Variants in ACOXL observed in about 807,000 individuals in gnomAD.
ACOXL encodes acyl-coenzyme A oxidase-like protein.
In ACOXL, 70 loss-of-function variants were observed where a neutral mutation model predicts 71.9. The ratio of observed to expected loss-of-function variants is 0.97; its 90% CI spans 0.80 to 1.19. The LOEUF (loss-of-function observed/expected upper bound fraction) is 1.19. Ranked by LOEUF, ACOXL falls within the 50% of genes most tolerant of loss-of-function variation. ACOXL has a pLI of 0.00. For missense variants in ACOXL, 703 were observed against 736.3 expected (o/e 0.95, Z 0.52); for synonymous variants, 253 against 281.6 (o/e 0.90, Z 1.02).
intron 11 of ACOXL, among the ~76,000 whole-genome samples, chr2:110,917,517 C>T (rs1042025647): frequency 6.6e-6 from 1 of 152,238 alleles, no homozygotes; most frequent in Non-Finnish European, 1.5e-5. Flanking sequence ...CCTCTCTCAC[C>T]ACTCCTATTC....
In ACOXL at chr2:110,811,730, TACACACAC is replaced by T. The variant is rs780039810; in HGVS notation, c.753+6384_753+6391del. On this transcript the variant is annotated intron_variant, in intron 9 of 17. Transcript: ENST00000439055. Reference sequence around the variant, plus strand: ...CGTTATCCTTTTTGTTTTTTTTGCATACACACACACACACACACACACACACACACACA... The same window carrying T: ...CGTTATCCTTTTTGTTTTTTTTGCATACACACACACACACACACACACACA... Among the ~76,000 whole-genome samples, 553 of 101,642 alleles carry T rather than the reference TACACACAC, an allele frequency of 5.4e-3. 4 individuals carry two copies. Among genetic ancestry groups the T allele is most frequent in the South Asian group, 0.03 (77 of 2,526 alleles). The allele number at this position is 101,642 out of a possible 152,430, so 66.7% of individuals were successfully genotyped here. A position where few individuals can be genotyped will look rare whatever the true frequency, so the allele number is the denominator to read the frequency against.
intron 12 of ACOXL, among the ~76,000 whole-genome samples, chr2:110,952,590 G>T (rs2061369267): frequency 6.6e-6 from 1 of 152,086 alleles, no homozygotes; most frequent in African/African-American, 2.4e-5. Flanking sequence ...GGTATTACAG[G>T]TGTGTGCTAT....
intron 14 of ACOXL, among the ~76,000 whole-genome samples, chr2:111,011,404 C>T (rs1218855613): frequency 6.6e-6 from 1 of 152,098 alleles, no homozygotes; most frequent in African/African-American, 2.4e-5. Flanking sequence ...TCAATAATTA[C>T]ATTAAATGTA....
chr2:110,895,856 T>C (rs778033241), intron 10 of ACOXL, among the ~76,000 whole-genome samples: 5 of 151,952 alleles, frequency 3.3e-5, no homozygotes, highest in Admixed American at 6.6e-5. Flanking sequence ...GAAGGGAAAC[T>C]AAAAGAATCC....
Position 110,988,914 on chromosome 2 carries a change from A to G in ACOXL, c.1169+1697A>G, listed in dbSNP as rs564328247. 3.2e-4 allele frequency among the ~76,000 whole-genome samples: 46 copies of G among 141,572 alleles called. No homozygotes were observed. The East Asian group carries it at 9.2e-3, about 28-fold the overall frequency. 92.9% of individuals were successfully genotyped at this position (141,572 alleles called of 152,430 possible). On this transcript the variant is annotated intron_variant, in intron 13 of 17. Transcript: ENST00000439055. ...GTGTGTCTTGTTCTTATTGATTTTT[A>G]AGGGCTCTTTATCCTTTGTTGTTAC...
intron 11 of ACOXL, among the ~76,000 whole-genome samples, chr2:110,911,719 G>A (rs992123442): frequency 1.3e-5 from 2 of 151,956 alleles, no homozygotes; most frequent in Non-Finnish European, 1.5e-5. Context: ...TTCTTTACCC[G>A]ATTAAAGTCA....
At chr2:110,967,843 GT>G in intron 12 of ACOXL, 1 of 1,233,050 alleles carries the variant, frequency 8.1e-7, no homozygotes, top group Non-Finnish European at 1.2e-6. Flanking sequence ...GATGGGGTTT[GT>G]TAAAGTTGTT....
At chr2:110,798,992 A>G (rs748462374) in intron 6 of ACOXL, 22 bp from the exon 7 acceptor site, 20 of 1,609,868 alleles carry the variant, frequency 1.2e-5, no homozygotes, top group Non-Finnish European at 1.4e-5. Flanking sequence ...GAGCTTAATA[A>G]TGATCTCGAT....
chr2:111,062,973 C>T (rs890449988), intron 16 of ACOXL, among the ~76,000 whole-genome samples: 4 of 152,064 alleles, frequency 2.6e-5, no homozygotes, highest in African/African-American at 9.7e-5. Context: ...TTAGTATATA[C>T]TCTGTGCACA....
chr2:111,070,429 A>G (rs560389538), intron 16 of ACOXL, among the ~76,000 whole-genome samples: 46 of 152,210 alleles, frequency 3.0e-4, no homozygotes, highest in Non-Finnish European at 5.7e-4. Flanking sequence ...CAAGTACCAC[A>G]TGCTCTCACT....
intron 1 of ACOXL, among the ~76,000 whole-genome samples, chr2:110,760,806 A>T (rs1402381809): frequency 6.6e-6 from 1 of 152,158 alleles, no homozygotes; most frequent in African/African-American, 2.4e-5. Flanking sequence ...ATTAGTGTTC[A>T]TGTGGAACAA....
chr2:111,082,693 C>G (rs2067989456), intron 16 of ACOXL, among the ~76,000 whole-genome samples: 1 of 152,054 alleles, frequency 6.6e-6, no homozygotes, highest in Non-Finnish European at 1.5e-5. Flanking sequence ...GGTATATACC[C>G]AAAGGATTAT....
chr2:111,043,134 A>T (rs560528741), intron 15 of ACOXL, among the ~76,000 whole-genome samples: 38 of 152,284 alleles, frequency 2.5e-4, no homozygotes, highest in African/African-American at 8.7e-4. Flanking sequence ...CACATGTGTC[A>T]TGCTCTGCCG....
intron 10 of ACOXL, among the ~76,000 whole-genome samples, chr2:110,876,042 A>T (rs1695854515): frequency 6.6e-6 from 1 of 152,144 alleles, no homozygotes; most frequent in African/African-American, 2.4e-5. Flanking sequence ...TTTCAAGGAG[A>T]CTGGACACAT....
chr2:110,873,723 C>T (rs549282628), intron 10 of ACOXL, among the ~76,000 whole-genome samples: 7 of 152,252 alleles, frequency 4.6e-5, no homozygotes, highest in African/African-American at 9.6e-5. Flanking sequence ...AAAGGGCCCC[C>T]GTTGGGAGGG....
At chr2:110,977,309 C>A (rs2062492046) in intron 12 of ACOXL, among the ~76,000 whole-genome samples, 1 of 151,888 alleles carries the variant, frequency 6.6e-6, no homozygotes, top group African/African-American at 2.4e-5. Context: ...TGGCATGAAC[C>A]CGGGAGGCAG....
intron 10 of ACOXL, among the ~76,000 whole-genome samples, chr2:110,861,074 C>T (rs1194565715): frequency 6.6e-6 from 1 of 152,176 alleles, no homozygotes; most frequent in Non-Finnish European, 1.5e-5. Flanking sequence ...GCGGAGGTTG[C>T]AGTGAGTCGA....
chr2:110,775,822 G>C lies in ACOXL; in HGVS notation c.75+7358G>C, dbSNP rs532091027. On this transcript the variant is annotated intron_variant, in intron 2 of 17. Coordinates refer to ENST00000439055, the MANE Select transcript of ACOXL (RefSeq NM_001142807.4). Reference sequence around the variant, plus strand: ...CGGTGGTGATGTGGGAATGTGAACTGATGTAGCCACTGGGGAACACAATAT... The same window carrying C: ...CGGTGGTGATGTGGGAATGTGAACTCATGTAGCCACTGGGGAACACAATAT... Among the ~76,000 whole-genome samples the C allele has an allele frequency of 2.0e-5, 3 of 152,288 alleles. No individual in the cohort carries two copies. The South Asian group carries it at 6.2e-4, about 32-fold the overall frequency.
chr2:110,744,876 G>A (rs189331025), intron 1 of ACOXL, among the ~76,000 whole-genome samples: 36 of 152,290 alleles, frequency 2.4e-4, no homozygotes, highest in Middle Eastern at 3.4e-3. Flanking sequence ...CAGCCATTTT[G>A]TCATTTTGAG....
Sources: allele counts gnomAD v4.1 joint callset (sites outside exome capture counted in the v4.1 genomes callset), GRCh38; gene constraint gnomAD v4.1.1; transcripts MANE v1.5; gene names NCBI Gene and HGNC (gene_info 2026-07-23, HGNC 2026-07-21).